Variants in PEAK1 observed in about 807,000 individuals in gnomAD.
The protein encoded by PEAK1 is pseudopodium enriched atypical kinase 1.
In PEAK1, 54 loss-of-function variants were observed where a neutral mutation model predicts 124.7. That is an observed-to-expected ratio of 0.43 (90% CI 0.35 to 0.54). The LOEUF (loss-of-function observed/expected upper bound fraction) is 0.54. Among genes scored for constraint, PEAK1 ranks in the 20% least tolerant of loss-of-function variants. The pLI is 0.01. For synonymous variants in PEAK1, 719 were observed against 760.0 expected (o/e 0.95, Z 0.89); for missense variants, 2,046 against 2,134.5 (o/e 0.96, Z 0.82).
At chr15:77,142,640 A>C (rs1358194508) in intron 8 of PEAK1, among the ~76,000 whole-genome samples, 1 of 152,246 alleles carries the variant, frequency 6.6e-6, no homozygotes, top group East Asian at 1.9e-4. Context: ...AGAGGAGTGA[A>C]GTACTGATGT....
intron 1 of PEAK1, among the ~76,000 whole-genome samples, chr15:77,396,013 A>T (rs1358655907): frequency 6.6e-6 from 1 of 152,208 alleles, no homozygotes; most frequent in Non-Finnish European, 1.5e-5. Context: ...TATAACTTTT[A>T]AAAACACAGT....
At chr15:77,117,467 A>C (rs912941632) in intron 9 of PEAK1, among the ~76,000 whole-genome samples, 2 of 152,226 alleles carry the variant, frequency 1.3e-5, no homozygotes, top group South Asian at 4.1e-4. Flanking sequence ...ATAATGACTA[A>C]AGCAGTTAAC....
At chr15:77,274,826 G>A (rs755294094) in intron 5 of PEAK1, among the ~76,000 whole-genome samples, 6 of 151,712 alleles carry the variant, frequency 4.0e-5, no homozygotes, top group Non-Finnish European at 8.8e-5. Context: ...TCTATTCAGA[G>A]GAAAAAAAAG....
downstream of PEAK1, chr15:77,103,608 T>G (rs1314819707): frequency 6.6e-6 from 1 of 151,842 alleles, no homozygotes; most frequent in African/African-American, 2.4e-5. Flanking sequence ...CATGACAGGG[T>G]GGGAGTGGAG....
At chr15:77,338,476 GTACAC>G (rs1246791453) in intron 2 of PEAK1, among the ~76,000 whole-genome samples, 3 of 151,832 alleles carry the variant, frequency 2.0e-5, no homozygotes, top group African/African-American at 7.3e-5. Flanking sequence ...TCTACAAAAG[GTACAC>G]TCCCCAACTA....
intron 1 of PEAK1, among the ~76,000 whole-genome samples, chr15:77,393,821 T>C (rs1055918616): frequency 6.6e-6 from 1 of 152,226 alleles, no homozygotes; most frequent in African/African-American, 2.4e-5. Flanking sequence ...AAGGGGGATC[T>C]TGCAGGGTTC....
chr15:77,184,325 T>C (rs2057429220), intron 6 of PEAK1, among the ~76,000 whole-genome samples: 1 of 152,008 alleles, frequency 6.6e-6, no homozygotes, highest in Non-Finnish European at 1.5e-5. Flanking sequence ...AAACAACTGA[T>C]GCTAGCGAGG....
intron 2 of PEAK1, among the ~76,000 whole-genome samples, chr15:77,299,970 C>A (rs2063704161): frequency 6.6e-6 from 1 of 152,164 alleles, no homozygotes; most frequent in African/African-American, 2.4e-5. Flanking sequence ...CCAGTGAGTG[C>A]CCCTTCAAGG....
intron 5 of PEAK1, among the ~76,000 whole-genome samples, chr15:77,270,036 T>C (rs749833842): frequency 7.2e-5 from 11 of 152,210 alleles, no homozygotes; most frequent in Non-Finnish European, 8.8e-5. Flanking sequence ...GTCTGAGAGA[T>C]AGTTTGTTAT....
intron 8 of PEAK1, among the ~76,000 whole-genome samples, chr15:77,146,059 G>A (rs2054153796): frequency 6.6e-6 from 1 of 152,162 alleles, no homozygotes; most frequent in Non-Finnish European, 1.5e-5. Flanking sequence ...AAAGAGAAGG[G>A]AGAACAAAAT....
intron 2 of PEAK1, among the ~76,000 whole-genome samples, chr15:77,356,992 T>A (rs2067558768): frequency 6.6e-6 from 1 of 152,108 alleles, no homozygotes. Flanking sequence ...GTAGGCTAGG[T>A]CCAGTGGCTC....
In PEAK1 at chr15:77,239,768, C is replaced by T. The variant is rs2152908442; in HGVS notation, c.-115+12599G>A. 6 of 840,746 alleles carry T rather than the reference C, an allele frequency of 7.1e-6. No individual in the cohort carries two copies. The South Asian group carries it at 3.3e-4, about 46-fold the overall frequency. The allele number at this position is 840,746 out of a possible 1,614,324, so 52.1% of individuals were successfully genotyped here. ...TATGGGATTTACAGAGTATTCCTGT[C>T]ACATATTACATACCTCCTGGGCTCT... is the stretch of plus-strand genomic sequence containing the variant. On this transcript the variant is annotated intron_variant, in intron 6 of 9. Transcript: ENST00000682557.
At chr15:77,351,296 C>T (rs1261939868) in intron 2 of PEAK1, among the ~76,000 whole-genome samples, 1 of 152,120 alleles carries the variant, frequency 6.6e-6, no homozygotes, top group Non-Finnish European at 1.5e-5. Context: ...GACCCACAGC[C>T]TGTGCAAAGT....
At chr15:77,238,904 A>T (rs1036772713) in intron 6 of PEAK1, among the ~76,000 whole-genome samples, 2 of 152,176 alleles carry the variant, frequency 1.3e-5, no homozygotes, top group Non-Finnish European at 2.9e-5. Flanking sequence ...AGCCATTCAT[A>T]CCTTTTGCAG....
chr15:77,128,110 C>T (rs921793283), intron 9 of PEAK1, among the ~76,000 whole-genome samples: 8 of 150,860 alleles, frequency 5.3e-5, no homozygotes, highest in African/African-American at 1.7e-4. Context: ...AAAGCTTGTT[C>T]TAAGAGAATA....
intron 6 of PEAK1, among the ~76,000 whole-genome samples, chr15:77,200,263 C>T (rs1162630609): frequency 6.6e-6 from 1 of 152,128 alleles, no homozygotes; most frequent in Non-Finnish European, 1.5e-5. Flanking sequence ...CTCCAGCTTA[C>T]TTTATTGTAA....
intron 1 of PEAK1, among the ~76,000 whole-genome samples, chr15:77,390,935 C>T (rs1042848426): frequency 1.3e-5 from 2 of 152,116 alleles, no homozygotes; most frequent in Admixed American, 6.5e-5. Flanking sequence ...TGCAAGATGA[C>T]ACAACCAAAA....
rs1215887302 is a variant in PEAK1 at position 77,179,072 on chromosome 15, A to G, written c.2855T>C (p.Leu952Pro). 4 of 1,614,032 alleles carry G rather than the reference A, an allele frequency of 2.5e-6. No homozygotes were observed. The highest frequency in any genetic ancestry group is 2.7e-5 in the African/African-American group (2 of 74,922). ...DKEKEREKGK[L>P]VGLDGTVIHM... Reference sequence around the variant, plus strand: ...AATGACTGTGCCATCCAGGCCCACCAGTTTCCCTTTCTCTCGCTCTTTCTC... The same window carrying G: ...AATGACTGTGCCATCCAGGCCCACCGGTTTCCCTTTCTCTCGCTCTTTCTC... The change falls in exon 7 of 10, where the codon CTG becomes CCG. Residue 952 changes from leucine (L) to proline (P), a missense_variant. Coordinates refer to ENST00000682557, the MANE Select transcript of PEAK1 (RefSeq NM_001385026.1).
At position 77,133,333 on chromosome 15, in the gene PEAK1, C is replaced by A. The variant is rs751414292; in HGVS notation, c.3749G>T (p.Ser1250Ile). 3.1e-6 allele frequency: 5 copies of A among 1,614,124 alleles called. No homozygotes were observed. In the African/African-American group the frequency reaches 6.7e-5, roughly 22 times the overall value. ...TLSIKDRFSNSMESLSSRRGP... is the reference protein window; with the variant it reads ...TLSIKDRFSNIMESLSSRRGP... The stretch of plus-strand genomic sequence containing the variant: ...ACGCCGGCTGGAGAGGGATTCCATG[C>A]TGTTGGAAAATCTATCCTTAATACT... The change falls in exon 9 of 10, where the codon AGC becomes ATC. Residue 1250 changes from serine to isoleucine, a missense_variant. By Grantham distance (142) the Ser-to-Ile change is moderately radical. Coordinates refer to ENST00000682557, the MANE Select transcript of PEAK1 (RefSeq NM_001385026.1). The surrounding 1 kb of genome is among the most constrained non-coding windows in gnomAD (Gnocchi z 4.2).
Sources: gnomAD v4.1 joint callset for allele counts (sites outside exome capture counted in the v4.1 genomes callset) on GRCh38, gnomAD v4.1.1 for gene constraint, Gnocchi (gnomAD v3.1) non-coding constraint, MANE v1.5 for transcripts, NCBI Gene and HGNC (gene_info 2026-07-23, HGNC 2026-07-21) for gene names.